The following CACNA1A variants were observed in gnomAD, a reference collection of about 807,000 sequenced individuals.
The protein encoded by CACNA1A is voltage-dependent P/Q-type calcium channel subunit alpha-1A.
A neutral mutation model predicts 262.4 loss-of-function variants in CACNA1A; 57 were observed. The observed-to-expected ratio is 0.22, with a 90% CI of 0.18 to 0.27. The LOEUF (loss-of-function observed/expected upper bound fraction) is 0.27. CACNA1A is among the 10% of genes least tolerant of loss of function. The pLI, the probability that CACNA1A is intolerant of heterozygous loss-of-function variation, is 1.00. For missense variants in CACNA1A, 2,526 were observed against 3,562.8 expected (o/e 0.71, Z 7.41); for synonymous variants, 1,431 against 1,419.3 (o/e 1.01, Z -0.18).
At chr19:13,356,041 AGGGTG>A (rs2059002427) in intron 6 of CACNA1A, among the ~76,000 whole-genome samples, 1 of 152,152 alleles carries the variant, frequency 6.6e-6, no homozygotes, top group East Asian at 1.9e-4. Flanking sequence ...CCAAAGGACG[AGGGTG>A]GGATGTAAAT....
chr19:13,371,929 G>T, intron 3 of CACNA1A, 150 bp from the exon 4 acceptor site: 1 of 680,918 alleles, frequency 1.5e-6, no homozygotes, highest in Non-Finnish European at 2.7e-6. Context: ...TTTGTCACCT[G>T]TAAAATGGTC....
At chr19:13,405,091 T>C (rs895479635) in intron 3 of CACNA1A, among the ~76,000 whole-genome samples, 3 of 152,024 alleles carry the variant, frequency 2.0e-5, no homozygotes, top group Non-Finnish European at 4.4e-5. Context: ...AGATGGGGTT[T>C]CACCATGTTG....
chr19:13,207,270 G>C lies in CACNA1A; in HGVS notation c.*43C>G. 6.6e-7 allele frequency: 1 copy of C among 1,505,460 alleles called. No homozygotes were observed. The highest frequency in any genetic ancestry group is 8.8e-7 in the Non-Finnish European group (1 of 1,131,374). The allele number at this position is 1,505,460 out of a possible 1,614,324, so 93.3% of individuals were successfully genotyped here. ...GCGGCTCCTCGGGTGGGGTGTGTGC[G>C]TGGGGTGCGTGGGGGGCCGGGCGGG... On this transcript the variant is annotated 3_prime_UTR_variant, in exon 47 of 47. Transcript: ENST00000360228. The surrounding 1 kb of genome is among the most constrained non-coding windows in gnomAD (Gnocchi z 5.7).
intron 10 of CACNA1A, among the ~76,000 whole-genome samples, chr19:13,323,264 CAAAACAA>C (rs202190724): frequency 0.01 from 1,549 of 148,740 alleles, 14 homozygotes; most frequent in Admixed American, 0.019. Context: ...CTCTCAAAAA[CAAAACAA>C]AAAACAAAAA....
chr19:13,333,364 C>T (rs2058498840), intron 8 of CACNA1A, among the ~76,000 whole-genome samples: 1 of 152,124 alleles, frequency 6.6e-6, no homozygotes, highest in African/African-American at 2.4e-5. Flanking sequence ...TCTTCACGTC[C>T]TTCAGGTCTC....
At chr19:13,441,940 T>C (rs1250923778) in intron 3 of CACNA1A, among the ~76,000 whole-genome samples, 2 of 152,146 alleles carry the variant, frequency 1.3e-5, no homozygotes, top group East Asian at 3.9e-4. Context: ...ACAGGGAAAA[T>C]GGCCAAGAAG....
At chr19:13,460,329 A>G (rs1014522578) in intron 1 of CACNA1A, among the ~76,000 whole-genome samples, 3 of 152,158 alleles carry the variant, frequency 2.0e-5, no homozygotes, top group Non-Finnish European at 4.4e-5. Flanking sequence ...GTTTTGAGTC[A>G]TCCAGAAAGA....
chr19:13,276,154 T>C (rs1054886805), intron 23 of CACNA1A, among the ~76,000 whole-genome samples, 198 bp from the exon 24 acceptor site: 4 of 152,188 alleles, frequency 2.6e-5, no homozygotes, highest in African/African-American at 7.2e-5. Context: ...CTTTGCCTGA[T>C]GGAAGCCAGC....
At chr19:13,252,745 C>T (rs2056435939) in intron 30 of CACNA1A, 1 of 305,212 alleles carries the variant, frequency 3.3e-6, no homozygotes, top group Non-Finnish European at 6.0e-6. Flanking sequence ...GCCATGATGA[C>T]TCCCATCATT....
intron 1 of CACNA1A, among the ~76,000 whole-genome samples, chr19:13,471,785 C>T (rs549246740): frequency 1.9e-4 from 29 of 151,690 alleles, no homozygotes; most frequent in Non-Finnish European, 1.2e-4. Context: ...GGGGGGATAC[C>T]GGGAGGGGAG....
At chr19:13,235,356 C>A in intron 32 of CACNA1A, 82 bp from the exon 33 acceptor site, 1 of 1,348,242 alleles carries the variant, frequency 7.4e-7, no homozygotes, top group South Asian at 1.3e-5. Flanking sequence ...AGTGCTCTGC[C>A]CCACTGGGTT....
intron 40 of CACNA1A, among the ~76,000 whole-genome samples, chr19:13,213,391 C>T (rs2054888197): frequency 6.6e-6 from 1 of 152,150 alleles, no homozygotes; most frequent in Non-Finnish European, 1.5e-5. Context: ...CCCACCGCAT[C>T]CCCTCCTCCC....
chr19:13,418,157 T>C (rs78007103), intron 3 of CACNA1A, among the ~76,000 whole-genome samples: 4,662 of 152,264 alleles, frequency 0.031, 219 homozygotes, highest in African/African-American at 0.1. Flanking sequence ...TCTGTCTTGA[T>C]TTCTCTGTGG....
intron 3 of CACNA1A, among the ~76,000 whole-genome samples, chr19:13,376,344 G>C (rs942183958): frequency 6.6e-6 from 1 of 152,146 alleles, no homozygotes; most frequent in Non-Finnish European, 1.5e-5. Flanking sequence ...CTTGTTAGGA[G>C]CTAGTGCTCC....
intron 22 of CACNA1A, chr19:13,277,960 TGC>T: frequency 6.6e-6 from 1 of 152,014 alleles, no homozygotes; most frequent in Non-Finnish European, 1.5e-5. Context: ...TGGTGGCGTG[TGC>T]CTGTAATTCC....
At chr19:13,395,560 C>T (rs552106953) in intron 3 of CACNA1A, among the ~76,000 whole-genome samples, 8 of 149,722 alleles carry the variant, frequency 5.3e-5, no homozygotes, top group Non-Finnish European at 1.2e-4. Flanking sequence ...TGCAGTGAGC[C>T]GAGATTGTGC....
chr19:13,331,450 C>T (rs547271260), intron 9 of CACNA1A, among the ~76,000 whole-genome samples: 5 of 151,838 alleles, frequency 3.3e-5, no homozygotes, highest in African/African-American at 2.4e-5. Flanking sequence ...ATGGCCAGGC[C>T]GGTCTTGAAC....
rs1454066712 is a variant in CACNA1A, at chr19:13,207,296, C to T, written c.*17G>A. ...TGGGGTGCGTGGGGGGCCGGGCGGG[C>T]GCCACCTCGCCCGGGCTTAGCACCA... On this transcript the variant is annotated 3_prime_UTR_variant, in exon 47 of 47. Transcript: ENST00000360228. The surrounding 1 kb of genome is among the most constrained non-coding windows in gnomAD (Gnocchi z 5.7). The T allele has an allele frequency of 6.5e-6, 10 of 1,538,772 alleles. No homozygotes were observed. The highest frequency in any genetic ancestry group is 1.2e-5 in the South Asian group (1 of 85,526).
At chr19:13,384,020 G>A (rs551287287) in intron 3 of CACNA1A, among the ~76,000 whole-genome samples, 25 of 152,202 alleles carry the variant, frequency 1.6e-4, no homozygotes, top group South Asian at 6.2e-4. Flanking sequence ...GTCCCAGTAC[G>A]TTTCCCAAGG....
Sources: allele counts gnomAD v4.1 joint callset (sites outside exome capture counted in the v4.1 genomes callset), GRCh38; gene constraint gnomAD v4.1.1; non-coding constraint Gnocchi (gnomAD v3.1); transcripts MANE v1.5; gene names NCBI Gene and HGNC (gene_info 2026-07-23, HGNC 2026-07-21).